NISCH: variants seen among roughly 807,000 people sequenced by gnomAD.
NISCH encodes nischarin.
Under a neutral mutation model 138.4 loss-of-function variants are expected in NISCH, and 55 were observed. The observed-to-expected ratio is 0.40, with a 90% CI of 0.32 to 0.50. The LOEUF (loss-of-function observed/expected upper bound fraction) is 0.50. NISCH is among the 20% of genes least tolerant of loss of function. NISCH has a pLI of 0.71. For missense variants in NISCH, 1,643 were observed against 2,005.5 expected (o/e 0.82, Z 3.45); for synonymous variants, 860 against 861.5 (o/e 1.00, Z 0.03).
chr3:52,485,499 G>A (rs1468104629), intron 14 of NISCH, among the ~76,000 whole-genome samples: 1 of 152,224 alleles, frequency 6.6e-6, no homozygotes, highest in African/African-American at 2.4e-5. Context: ...GCAGTCAGAT[G>A]CTGGATCCCT....
chr3:52,481,654 G>T (rs1005411001), intron 13 of NISCH: 4 of 985,560 alleles, frequency 4.1e-6, no homozygotes. Context: ...GTGAGTGAGT[G>T]AGTGGGCAGG....
chr3:52,455,829 C>T, intron 1 of NISCH, 95 bp downstream of exon 1: 2 of 911,778 alleles, frequency 2.2e-6, no homozygotes, highest in Non-Finnish European at 2.9e-6. Context: ...TCTGCAGCCC[C>T]GAGGAGCGGG....
Position 52,492,741 on chromosome 3 carries a change from G to C in NISCH, c.*259G>C. 1 of 517,760 alleles carries C rather than the reference G, an allele frequency of 1.9e-6. No homozygotes were observed. Among genetic ancestry groups the C allele is most frequent in the Non-Finnish European group, 3.4e-6 (1 of 293,368 alleles). 32.1% of individuals were successfully genotyped at this position (517,760 alleles called of 1,614,324 possible). ...CGTGCACACCAGTGTCGTGTCTGCT[G>C]TTGTGGGACCGTTGTTAACACGTGA... On this transcript the variant is annotated 3_prime_UTR_variant, in exon 21 of 21. Coordinates refer to ENST00000345716, the MANE Select transcript of NISCH (RefSeq NM_007184.4).
At chr3:52,491,640 GT>G in intron 20 of NISCH, 127 bp downstream of exon 20, 2 of 1,217,826 alleles carry the variant, frequency 1.6e-6, no homozygotes, top group African/African-American at 1.5e-5. Flanking sequence ...GCTGGCCAGG[GT>G]TTTATGTGGG....
Position 52,487,744 on chromosome 3 carries a change from A to C in NISCH, c.2252A>C (p.Gln751Pro), listed in dbSNP as rs1413381211. ...IPHQESRGSS[Q>P]HILSSLRFVF... ...CACCAGGAGTCTCGGGGCAGCAGCC[A>C]GCACATCCTCTCCTCCCTGCGCTTT... Residue 751 changes from glutamine to proline, a missense_variant, in exon 16 of 21, where the codon CAG becomes CCG. Physicochemically the swap from Gln to Pro is moderately conservative, Grantham distance 76. Coordinates refer to ENST00000345716, the MANE Select transcript of NISCH (RefSeq NM_007184.4). This position sits in a 1 kb window ranked among gnomAD's most constrained non-coding sequence, Gnocchi z 9.1. The C allele has an allele frequency of 1.2e-6, 2 of 1,613,636 alleles. No individual in the cohort carries two copies. The highest frequency in any genetic ancestry group is 1.3e-5 in the African/African-American group (1 of 74,858).
chr3:52,480,264 C>T lies in NISCH; in HGVS notation c.1497C>T (p.Ala499=), dbSNP rs201131163. The change falls in exon 13 of 21, where the codon GCC becomes GCT. Residue 499 remains alanine (A), a synonymous_variant. Transcript: ENST00000345716. The part of the protein sequence containing the change: ...SSPPTVAPAS[A]SLPQPILSNQ... ...CTCCCACTGTGGCTCCCGCATCTGC[C>T]TCCCTGCCCCAGCCCATCCTCTCTA... The T allele has an allele frequency of 3.1e-6, 5 of 1,613,982 alleles. No homozygotes were observed. The highest frequency in any genetic ancestry group is 1.7e-5 in the Admixed American group (1 of 60,030).
intron 8 of NISCH, among the ~76,000 whole-genome samples, 163 bp downstream of exon 8, chr3:52,476,762 G>C (rs1231019440): frequency 2.0e-5 from 3 of 152,182 alleles, no homozygotes; most frequent in African/African-American, 7.2e-5. Flanking sequence ...GGCTGGGCGT[G>C]GTGGGTCACA....
intron 5 of NISCH, 22 bp downstream of exon 5, chr3:52,471,999 C>G: frequency 6.4e-7 from 1 of 1,556,022 alleles, no homozygotes; most frequent in Non-Finnish European, 8.7e-7. Context: ...GCAGCTCAGT[C>G]ATGGAGAGCC....
intron 8 of NISCH, 113 bp from the exon 9 acceptor site, chr3:52,477,461 G>T: frequency 1.2e-6 from 1 of 833,686 alleles, no homozygotes; most frequent in Admixed American, 1.8e-5. Context: ...GGGACGGCCC[G>T]TGGGAGTCCA....
intron 6 of NISCH, among the ~76,000 whole-genome samples, chr3:52,473,161 A>T (rs1213758175): frequency 6.6e-6 from 1 of 152,236 alleles, no homozygotes; most frequent in East Asian, 1.9e-4. Context: ...TGTTCCGTCT[A>T]CAGTGGTCTA....
At chr3:52,476,386 T>A in intron 7 of NISCH, 61 bp from the exon 8 acceptor site, 1 of 1,585,068 alleles carries the variant, frequency 6.3e-7, no homozygotes, top group Admixed American at 1.7e-5. Context: ...AACGACTGTG[T>A]TCCCAGTGAG....
chr3:52,469,173 T>C (rs1276749873), intron 3 of NISCH, among the ~76,000 whole-genome samples: 2 of 152,140 alleles, frequency 1.3e-5, no homozygotes, highest in East Asian at 1.9e-4. Context: ...CCAATGTTCC[T>C]GTGAGTTATG....
chr3:52,455,915 G>A (rs1706452151), intron 1 of NISCH, among the ~76,000 whole-genome samples, 181 bp downstream of exon 1: 2 of 151,660 alleles, frequency 1.3e-5, no homozygotes, highest in Middle Eastern at 3.4e-3. Context: ...GCAGGTCCGG[G>A]AGAAGGGTTG....
In NISCH at chr3:52,492,857, TGTTG is replaced by T; in HGVS notation, c.*376_*379del. 1 of 255,714 alleles carries T rather than the reference TGTTG, an allele frequency of 3.9e-6. No individual in the cohort carries two copies. Among genetic ancestry groups the T allele is most frequent in the Admixed American group, 5.0e-5 (1 of 20,054 alleles). 15.8% of individuals were successfully genotyped at this position (255,714 alleles called of 1,614,324 possible). ...CTGTTGCTGTTGCTGTTGCTGTTGC[TGTTG>T]CTGTTGGCATCTTGCTGCTAATCCT... On this transcript the variant is annotated 3_prime_UTR_variant, in exon 21 of 21. Transcript: ENST00000345716.
chr3:52,461,804 A>G (rs1027291770), intron 3 of NISCH, among the ~76,000 whole-genome samples: 3 of 151,624 alleles, frequency 2.0e-5, no homozygotes, highest in East Asian at 1.9e-4. Flanking sequence ...CAGAGCTTGC[A>G]GTGAGCCAAG....
In NISCH at chr3:52,472,455, T is replaced by A. The variant is rs113071591; in HGVS notation, c.669+57T>A. 51 of 1,454,024 alleles carry A rather than the reference T, an allele frequency of 3.5e-5. No individual in the cohort carries two copies. In the African/African-American group the frequency reaches 4.2e-4, roughly 12 times the overall value. The allele number at this position is 1,454,024 out of a possible 1,614,324, so 90.1% of individuals were successfully genotyped here. On this transcript the variant is annotated intron_variant, in intron 6 of 20. Coordinates refer to ENST00000345716, the MANE Select transcript of NISCH (RefSeq NM_007184.4). ...CTCCCAACTCAGAGGCTAGAGAGTG[T>A]TTGTGATGTTGGGTGTCCTAATTTA...
In NISCH at chr3:52,491,442, C is replaced by T; in HGVS notation, c.3833C>T (p.Ser1278Phe). 1 of 1,613,484 alleles carries T rather than the reference C, an allele frequency of 6.2e-7. No individual in the cohort carries two copies. Among genetic ancestry groups the T allele is most frequent in the Non-Finnish European group, 8.5e-7 (1 of 1,179,994 alleles). The change falls in exon 20 of 21, where the codon TCT becomes TTT. Residue 1278 changes from serine to phenylalanine, a missense_variant. Ser to Phe is a radical substitution (Grantham distance 155). Coordinates refer to ENST00000345716, the MANE Select transcript of NISCH (RefSeq NM_007184.4). ...FLQHLMVVLS[S>F]LERTPSPEPV... is the part of the protein sequence containing the mutation. ...CAGCACCTCATGGTCGTGCTGTCCT[C>T]TCTGGAACGCACGCCCTCGCCGGAG...
intron 7 of NISCH, 94 bp downstream of exon 7, chr3:52,473,923 A>C: frequency 1.3e-6 from 1 of 766,528 alleles, no homozygotes; most frequent in South Asian, 1.8e-5. Context: ...GGACACTGCT[A>C]TGTCTATCAG....
At chr3:52,470,246 A>G (rs771071517) in intron 3 of NISCH, among the ~76,000 whole-genome samples, 7 of 152,128 alleles carry the variant, frequency 4.6e-5, no homozygotes, top group African/African-American at 7.2e-5. Context: ...GCCCTTCATC[A>G]CATCATTTAA....
Sources: gnomAD v4.1 joint callset for allele counts (sites outside exome capture counted in the v4.1 genomes callset) on GRCh38, gnomAD v4.1.1 for gene constraint, Gnocchi (gnomAD v3.1) non-coding constraint, MANE v1.5 for transcripts, NCBI Gene and HGNC (gene_info 2026-07-23, HGNC 2026-07-21) for gene names.